The following TACR1 variants were observed in gnomAD, a reference collection of about 807,000 sequenced individuals.
The protein encoded by TACR1 is substance-P receptor.
A neutral mutation model predicts 35.8 loss-of-function variants in TACR1; 25 were observed. That is an observed-to-expected ratio of 0.70 (90% CI 0.51 to 0.98). The LOEUF (loss-of-function observed/expected upper bound fraction) is 0.98. TACR1 is among the 50% of genes least tolerant of loss of function. TACR1 has a pLI of 0.00. For synonymous variants in TACR1, 195 were observed against 206.7 expected (o/e 0.94, Z 0.48); for missense variants, 478 against 522.9 (o/e 0.91, Z 0.84).
At chr2:75,057,226 C>CTCCTGGCTCA (rs901063579) in intron 2 of TACR1, among the ~76,000 whole-genome samples, 3 of 136,506 alleles carry the variant, frequency 2.2e-5, no homozygotes, top group Non-Finnish European at 4.4e-5. Context: ...GAAATTCCTT[C>CTCCTGGCTCA]TCCTGGCTCA....
intron 2 of TACR1, among the ~76,000 whole-genome samples, chr2:75,094,859 A>ATATTTTT: frequency 2.7e-4 from 30 of 113,104 alleles, no homozygotes; most frequent in African/African-American, 1.1e-3. Context: ...ATATATATAT[A>ATATTTTT]TTTTTTTTTT....
intron 2 of TACR1, among the ~76,000 whole-genome samples, chr2:75,070,743 A>G (rs1424930547): frequency 3.3e-5 from 5 of 152,234 alleles, no homozygotes. Context: ...CTTTGCAGGT[A>G]AGGAAGCTGA....
At position 75,108,360 on chromosome 2, in the gene TACR1, T is replaced by G. The variant is rs576095512; in HGVS notation, c.584+12214A>C. Among the ~76,000 whole-genome samples, 5 of 152,296 alleles carry G rather than the reference T, an allele frequency of 3.3e-5. No individual in the cohort carries two copies. In the East Asian group the frequency reaches 9.6e-4, roughly 29 times the overall value. ...CACAGGGAATAGAATTAAAATGATT[T>G]GCATACATGGGGTACATTAAAAATA... is the stretch of plus-strand genomic sequence containing the variant. On this transcript the variant is annotated intron_variant, in intron 2 of 4. Transcript: ENST00000305249.
At chr2:75,071,143 A>T (rs1260479557) in intron 2 of TACR1, among the ~76,000 whole-genome samples, 1 of 152,182 alleles carries the variant, frequency 6.6e-6, no homozygotes, top group Non-Finnish European at 1.5e-5. Context: ...AGACTGTAGG[A>T]CCTGCCAAGC....
At chr2:75,090,826 G>A (rs1010823373) in intron 2 of TACR1, 7 of 153,908 alleles carry the variant, frequency 4.5e-5, no homozygotes, top group Non-Finnish European at 8.8e-5. Context: ...AGAGTAGAGT[G>A]TGTGGTCCCA....
chr2:75,087,912 C>A (rs1673218642), intron 2 of TACR1, among the ~76,000 whole-genome samples: 1 of 152,196 alleles, frequency 6.6e-6, no homozygotes. Flanking sequence ...ACATAAAGAA[C>A]TACTCACTGA....
At chr2:75,085,137 T>A (rs1360995619) in intron 2 of TACR1, among the ~76,000 whole-genome samples, 1 of 152,204 alleles carries the variant, frequency 6.6e-6, no homozygotes, top group Non-Finnish European at 1.5e-5. Flanking sequence ...GTCTTTGTTC[T>A]CGTTGGGAGA....
At chr2:75,058,590 C>T (rs992033046) in intron 2 of TACR1, among the ~76,000 whole-genome samples, 1 of 152,188 alleles carries the variant, frequency 6.6e-6, no homozygotes, top group African/African-American at 2.4e-5. Flanking sequence ...TTGTCATAGA[C>T]CTGAGAGAAC....
chr2:75,071,763 T>C (rs1287104561), intron 2 of TACR1, among the ~76,000 whole-genome samples: 1 of 152,216 alleles, frequency 6.6e-6, no homozygotes, highest in Non-Finnish European at 1.5e-5. Context: ...TAATTCTTAC[T>C]ACTTAGTGCC....
chr2:75,150,949 T>C (rs1674656390), intron 1 of TACR1, among the ~76,000 whole-genome samples: 1 of 152,236 alleles, frequency 6.6e-6, no homozygotes, highest in Admixed American at 6.5e-5. Context: ...TGTTATGTTT[T>C]AGCAAAGAGA....
intron 1 of TACR1, chr2:75,188,182 T>G (rs947700008): frequency 6.6e-6 from 1 of 152,228 alleles, no homozygotes; most frequent in Non-Finnish European, 1.5e-5. Flanking sequence ...TCCCTGGGAC[T>G]ATTTAGAAGA....
chr2:75,171,248 G>A (rs1675275381), intron 1 of TACR1, among the ~76,000 whole-genome samples: 1 of 152,242 alleles, frequency 6.6e-6, no homozygotes, highest in Non-Finnish European at 1.5e-5. Flanking sequence ...TCAGGCCATT[G>A]CTTCAGAGGG....
intron 1 of TACR1, among the ~76,000 whole-genome samples, chr2:75,142,853 A>G (rs1674436936): frequency 6.6e-6 from 1 of 152,192 alleles, no homozygotes; most frequent in South Asian, 2.1e-4. Context: ...ATGAATTGGA[A>G]TCTTCCAGAG....
chr2:75,057,330 T>C (rs542595472), intron 2 of TACR1, among the ~76,000 whole-genome samples: 14 of 152,238 alleles, frequency 9.2e-5, no homozygotes, highest in Admixed American at 2.0e-4. Context: ...ACTGTAATTT[T>C]CCACTACCTA....
At chr2:75,197,223 T>C (rs1158740167) in intron 1 of TACR1, among the ~76,000 whole-genome samples, 1 of 152,224 alleles carries the variant, frequency 6.6e-6, no homozygotes, top group African/African-American at 2.4e-5. Context: ...TACAGGGAAC[T>C]AACAAATCAG....
At chr2:75,070,970 A>G (rs1158641286) in intron 2 of TACR1, among the ~76,000 whole-genome samples, 1 of 152,250 alleles carries the variant, frequency 6.6e-6, no homozygotes, top group African/African-American at 2.4e-5. Flanking sequence ...CCAGGGAAAA[A>G]AAAACAAAGA....
intron 2 of TACR1, among the ~76,000 whole-genome samples, chr2:75,096,719 C>G (rs1673431999): frequency 6.6e-6 from 1 of 152,172 alleles, no homozygotes; most frequent in Admixed American, 6.5e-5. Context: ...GTATACATTC[C>G]AGAACCTTCT....
At chr2:75,188,675 A>T (rs1419121259) in intron 1 of TACR1, 1 of 152,228 alleles carries the variant, frequency 6.6e-6, no homozygotes, top group Non-Finnish European at 1.5e-5. Context: ...CCTCAAGGGG[A>T]AACCCAGTTA....
chr2:75,053,542 A>G, intron 3 of TACR1, 63 bp downstream of exon 3: 1 of 1,449,852 alleles, frequency 6.9e-7, no homozygotes, highest in Non-Finnish European at 9.1e-7. Flanking sequence ...CAAGTGTGCC[A>G]TCCCTTCTCG....
Sources: allele counts gnomAD v4.1 joint callset (sites outside exome capture counted in the v4.1 genomes callset), GRCh38; gene constraint gnomAD v4.1.1; transcripts MANE v1.5; gene names NCBI Gene and HGNC (gene_info 2026-07-23, HGNC 2026-07-21).